The following TRPC7 variants were observed in gnomAD, a reference collection of about 807,000 sequenced individuals.
TRPC7 encodes the protein short transient receptor potential channel 7.
A neutral mutation model predicts 90.1 loss-of-function variants in TRPC7; 42 were observed. The observed-to-expected ratio is 0.47, with a 90% CI of 0.36 to 0.60. The LOEUF (loss-of-function observed/expected upper bound fraction) is 0.60, where lower values mean the gene tolerates loss of function less well. Ranked by LOEUF, TRPC7 falls within the 20% of genes least tolerant of loss-of-function variation. The probability of loss-of-function intolerance (pLI) is 0.00; values close to 1 mark genes in which losing one functional copy is unlikely to be tolerated. For missense variants in TRPC7, 955 were observed against 1,112.3 expected (o/e 0.86, Z 2.01); for synonymous variants, 451 against 436.3 (o/e 1.03, Z -0.42).
intron 7 of TRPC7, among the ~76,000 whole-genome samples, chr5:136,236,030 C>T (rs1007594566): frequency 2.0e-5 from 3 of 152,214 alleles, no homozygotes; most frequent in Non-Finnish European, 4.4e-5. Context: ...TATTGTTCAG[C>T]TGACATGAAG....
At chr5:136,274,526 GT>G (rs1340503109) in intron 4 of TRPC7, 146 bp downstream of exon 4, 1 of 863,038 alleles carries the variant, frequency 1.2e-6, no homozygotes, top group Non-Finnish European at 1.6e-6. Flanking sequence ...CTTTTATGTG[GT>G]TTCCTACTTT....
At chr5:136,332,020 A>C (rs1271859626) in intron 2 of TRPC7, among the ~76,000 whole-genome samples, 1 of 152,150 alleles carries the variant, frequency 6.6e-6, no homozygotes, top group Non-Finnish European at 1.5e-5. Context: ...AGGTATAGAG[A>C]GAAGAACGTG....
intron 2 of TRPC7, among the ~76,000 whole-genome samples, chr5:136,351,547 C>T (rs956431178): frequency 2.6e-5 from 4 of 152,214 alleles, no homozygotes; most frequent in Admixed American, 2.6e-4. Context: ...TCAGCGGCAG[C>T]CCAGGTGGGG....
At chr5:136,280,710 TTTAA>T (rs1757521424) in intron 3 of TRPC7, among the ~76,000 whole-genome samples, 1 of 152,356 alleles carries the variant, frequency 6.6e-6, no homozygotes, top group Admixed American at 6.5e-5. Context: ...ATGAGGATTA[TTTAA>T]TTTTTATGTG....
At chr5:136,344,180 C>T (rs1355473166) in intron 2 of TRPC7, among the ~76,000 whole-genome samples, 2 of 152,112 alleles carry the variant, frequency 1.3e-5, no homozygotes, top group Non-Finnish European at 2.9e-5. Context: ...AACAGTAAAC[C>T]AAATACTGCA....
intron 3 of TRPC7, among the ~76,000 whole-genome samples, chr5:136,301,939 C>T (rs928552701): frequency 6.6e-6 from 1 of 152,238 alleles, no homozygotes; most frequent in Admixed American, 6.5e-5. Flanking sequence ...CTCAGGTCCT[C>T]ACACCGACCA....
At chr5:136,230,259 G>A (rs1335913171) in intron 8 of TRPC7, among the ~76,000 whole-genome samples, 5 of 152,080 alleles carry the variant, frequency 3.3e-5, no homozygotes, top group Non-Finnish European at 5.9e-5. Flanking sequence ...TAATCATGTA[G>A]AAGGTAAAGC....
Position 136,316,153 on chromosome 5 carries a change from G to A in TRPC7, c.781-374C>T, listed in dbSNP as rs376278576. 4 of 182,510 alleles carry A rather than the reference G, an allele frequency of 2.2e-5. No homozygotes were observed. The East Asian group carries it at 4.4e-4, about 20-fold the overall frequency. 11.3% of individuals were successfully genotyped at this position (182,510 alleles called of 1,614,324 possible). ...AACTTTGCTCTCTAATGATGTGGATGCCTGCCACAGCCCATCCTGGGCTCT... is the reference window on the plus strand; with the variant it reads ...AACTTTGCTCTCTAATGATGTGGATACCTGCCACAGCCCATCCTGGGCTCT... On this transcript the variant is annotated intron_variant, in intron 2 of 11. Coordinates refer to ENST00000513104, the MANE Select transcript of TRPC7 (RefSeq NM_020389.3).
At chr5:136,289,791 G>A (rs1757868648) in intron 3 of TRPC7, among the ~76,000 whole-genome samples, 1 of 152,254 alleles carries the variant, frequency 6.6e-6, no homozygotes, top group Admixed American at 6.5e-5. Context: ...TTTGAAGAGA[G>A]TAGTGGTTCT....
chr5:136,323,567 T>C (rs1759262339), intron 2 of TRPC7, among the ~76,000 whole-genome samples: 1 of 152,200 alleles, frequency 6.6e-6, no homozygotes, highest in Admixed American at 6.5e-5. Flanking sequence ...TGTTCATTTG[T>C]TCCAGCCCCA....
intron 3 of TRPC7, among the ~76,000 whole-genome samples, chr5:136,283,665 G>C (rs1348610805): frequency 6.6e-6 from 1 of 152,200 alleles, no homozygotes; most frequent in African/African-American, 2.4e-5. Context: ...GAGGTGAAAA[G>C]GGTCTGAGGA....
intron 10 of TRPC7, among the ~76,000 whole-genome samples, chr5:136,220,829 T>A (rs1156806430): frequency 6.6e-6 from 1 of 152,164 alleles, no homozygotes; most frequent in East Asian, 1.9e-4. Context: ...CAGGTGGGCA[T>A]CATGGTCCTA....
Position 136,321,404 on chromosome 5 carries a change from G to A in TRPC7, c.781-5625C>T, listed in dbSNP as rs182966360. On this transcript the variant is annotated intron_variant, in intron 2 of 11. Coordinates refer to ENST00000513104, the MANE Select transcript of TRPC7 (RefSeq NM_020389.3). Reference sequence around the variant, plus strand: ...TTATTTTACTACTTGCCAGTTAATTGATAAGTTTCCTATTGATAAAATTGA... The same window carrying A: ...TTATTTTACTACTTGCCAGTTAATTAATAAGTTTCCTATTGATAAAATTGA... 1.9e-4 allele frequency among the ~76,000 whole-genome samples: 29 copies of A among 152,232 alleles called. No individual in the cohort carries two copies. The Middle Eastern group carries it at 0.014, about 71-fold the overall frequency.
intron 10 of TRPC7, among the ~76,000 whole-genome samples, chr5:136,220,455 G>C (rs55673832): frequency 6.6e-6 from 1 of 152,288 alleles, no homozygotes; most frequent in Non-Finnish European, 1.5e-5. Context: ...ATGAGGTTGA[G>C]ATAAGAACTG....
chr5:136,357,279 C>T lies in TRPC7; in HGVS notation c.109G>A (p.Gly37Ser). Reference sequence around the variant, plus strand: ...TCCTCCTCGGGCGTCAGACTGGTGCCCTTCTCGTTGAACATGTAGGCGGGA... The same window carrying T: ...TCCTCCTCGGGCGTCAGACTGGTGCTCTTCTCGTTGAACATGTAGGCGGGA... ...RGPAYMFNEK[G>S]TSLTPEEERF... Residue 37 changes from glycine (G) to serine (S), a missense_variant, in exon 2 of 12, where the codon GGC (glycine) becomes AGC (serine). Coordinates refer to ENST00000513104, the MANE Select transcript of TRPC7 (RefSeq NM_020389.3). 3 of 1,613,056 alleles carry T rather than the reference C, an allele frequency of 1.9e-6. No individual in the cohort carries two copies. Among genetic ancestry groups the T allele is most frequent in the Non-Finnish European group, 2.5e-6 (3 of 1,179,896 alleles).
intron 2 of TRPC7, among the ~76,000 whole-genome samples, chr5:136,323,094 G>A (rs921244603): frequency 8.5e-5 from 13 of 152,126 alleles, no homozygotes; most frequent in South Asian, 4.1e-4. Context: ...ATCATGGGGC[G>A]GTTTCCCCCA....
chr5:136,339,292 C>T (rs528571155), intron 2 of TRPC7, among the ~76,000 whole-genome samples: 42 of 152,306 alleles, frequency 2.8e-4, no homozygotes, highest in African/African-American at 1.0e-3. Flanking sequence ...AACTAACCCC[C>T]TCTTTGCTCA....
chr5:136,306,679 T>A (rs1580933659), intron 3 of TRPC7, among the ~76,000 whole-genome samples: 2 of 152,184 alleles, frequency 1.3e-5, no homozygotes, highest in South Asian at 2.1e-4. Context: ...TATTAACTGA[T>A]GACATTCCAC....
chr5:136,271,102 A>G (rs1757197461), intron 4 of TRPC7, among the ~76,000 whole-genome samples: 1 of 152,016 alleles, frequency 6.6e-6, no homozygotes, highest in South Asian at 2.1e-4. Flanking sequence ...CTGCCCACTC[A>G]CTCACGCCTT....
Sources: gnomAD v4.1 joint callset for allele counts (sites outside exome capture counted in the v4.1 genomes callset) on GRCh38, gnomAD v4.1.1 for gene constraint, MANE v1.5 for transcripts, NCBI Gene and HGNC (gene_info 2026-07-23, HGNC 2026-07-21) for gene names.